Variants in UTP20 observed in about 807,000 individuals in gnomAD.
UTP20 encodes UTP20 small subunit processome component.
Under a neutral mutation model 329.5 loss-of-function variants are expected in UTP20, and 164 were observed. That is an observed-to-expected ratio of 0.50 (90% CI 0.44 to 0.57). The LOEUF (loss-of-function observed/expected upper bound fraction) is 0.57, where lower values mean the gene tolerates loss of function less well. Ranked by LOEUF, UTP20 falls within the 20% of genes least tolerant of loss-of-function variation. UTP20 has a pLI of 0.00. For missense variants in UTP20, 3,055 were observed against 3,284.2 expected (o/e 0.93, Z 1.71); for synonymous variants, 1,151 against 1,159.3 (o/e 0.99, Z 0.14).
At chr12:101,281,381 C>G (rs914996011) in intron 2 of UTP20, among the ~76,000 whole-genome samples, 185 bp downstream of exon 2, 1 of 152,136 alleles carries the variant, frequency 6.6e-6, no homozygotes, top group Non-Finnish European at 1.5e-5. Flanking sequence ...TTTGGGTGCC[C>G]AAATGTGGCT....
chr12:101,383,317 C>A lies in UTP20; in HGVS notation c.7929+4C>A, dbSNP rs747964944. 6.2e-7 allele frequency: 1 copy of A among 1,610,386 alleles called. No homozygotes were observed. The highest frequency in any genetic ancestry group is 1.1e-5 in the South Asian group (1 of 90,676). ...TTCGCCGAGAAACCCCTTAAAGGTGCGATGAATGCACAGAATGACTGACAG... is the reference window on the plus strand; with the variant it reads ...TTCGCCGAGAAACCCCTTAAAGGTGAGATGAATGCACAGAATGACTGACAG... On this transcript the variant is annotated splice_donor_region_variant and intron_variant, in intron 59 of 61. Coordinates refer to ENST00000261637, the MANE Select transcript of UTP20 (RefSeq NM_014503.3).
intron 32 of UTP20, among the ~76,000 whole-genome samples, chr12:101,341,688 C>T (rs1292018421): frequency 2.6e-5 from 4 of 152,062 alleles, no homozygotes; most frequent in Admixed American, 1.3e-4. Flanking sequence ...AGGCAGATCA[C>T]GAGGTCAGGA....
intron 58 of UTP20, 56 bp downstream of exon 58, chr12:101,381,267 C>T (rs531051374): frequency 1.2e-5 from 18 of 1,481,988 alleles, no homozygotes; most frequent in African/African-American, 4.2e-5. Context: ...CATGGTGGCT[C>T]GCGCCTGTAA....
intron 16 of UTP20, 127 bp downstream of exon 16, chr12:101,306,192 T>C: frequency 8.2e-7 from 1 of 1,221,548 alleles, no homozygotes; most frequent in Non-Finnish European, 1.1e-6. Context: ...AAAGCGATGA[T>C]TCTTAAATGT....
In UTP20 at chr12:101,366,690, C is replaced by G; in HGVS notation, c.6258C>G (p.Ser2086=). 6.2e-7 allele frequency: 1 copy of G among 1,613,586 alleles called. No homozygotes were observed. The highest frequency in any genetic ancestry group is 8.5e-7 in the Non-Finnish European group (1 of 1,179,804). Residue 2086 remains serine, a synonymous_variant, in exon 47 of 62, where the codon TCC becomes TCG. Transcript: ENST00000261637. ...CCAACATGCACATATTTATTGAGTC[C>G]GGGCTTCGGGTAAGAATTAACCTTA... ...RKTNMHIFIE[S]GLRLLHLSLK...
rs1271616120 is a variant in UTP20 at position 101,297,409 on chromosome 12, C to T, written c.1430+1751C>T. 2.0e-5 allele frequency among the ~76,000 whole-genome samples: 3 copies of T among 151,966 alleles called. No individual in the cohort carries two copies. In the East Asian group the frequency reaches 5.8e-4, roughly 29 times the overall value. On this transcript the variant is annotated intron_variant, in intron 12 of 61. Coordinates refer to ENST00000261637, the MANE Select transcript of UTP20 (RefSeq NM_014503.3). ...TTTTTAATTTTTGTAGAGACGAGGT[C>T]TCGCTATGTTGCCCAGGCTGGTCTC...
At chr12:101,371,994 A>C (rs768726030) in intron 51 of UTP20, among the ~76,000 whole-genome samples, 5 of 152,206 alleles carry the variant, frequency 3.3e-5, no homozygotes, top group African/African-American at 4.8e-5. Flanking sequence ...TCAGGGTTGC[A>C]GGTGGGTTTG....
intron 2 of UTP20, among the ~76,000 whole-genome samples, chr12:101,283,981 A>AT (rs549701822): frequency 1.5e-3 from 223 of 145,060 alleles, no homozygotes; most frequent in South Asian, 0.01. Context: ...CAGTTTAAGG[A>AT]TTTTTTTTTT....
chr12:101,356,690 C>G lies in UTP20; in HGVS notation c.5531C>G (p.Pro1844Arg). ...LPQEVMEANL[P>R]SILLKVCALL... is the part of the protein sequence containing the mutation. ...CAAGAAGTTATGGAAGCTAATCTGC[C>G]AAGGTATGTTTTTTAACAAATTAGA... Residue 1844 changes from proline to arginine, a missense_variant, in exon 42 of 62, where the codon CCA becomes CGA. By Grantham distance (103) the Pro-to-Arg change is moderately radical (BLOSUM62 -2). Coordinates refer to ENST00000261637, the MANE Select transcript of UTP20 (RefSeq NM_014503.3). 1 of 1,604,898 alleles carries G rather than the reference C, an allele frequency of 6.2e-7. No individual in the cohort carries two copies. The highest frequency in any genetic ancestry group is 1.1e-5 in the South Asian group (1 of 88,200).
chr12:101,323,539 T>C (rs927437442), intron 25 of UTP20, among the ~76,000 whole-genome samples: 3 of 152,240 alleles, frequency 2.0e-5, no homozygotes, highest in Non-Finnish European at 4.4e-5. Context: ...CAGTGATAAA[T>C]GATATCATGT....
rs1321254830 is a variant in UTP20 at position 101,373,430 on chromosome 12, C to T, written c.6908C>T (p.Thr2303Ile). The part of the protein sequence containing the change: ...NYEHETGRES[T>I]LEMIAYLFDT... ...GAACATGAGACCGGGAGAGAGTCCACCTTGGAAATGATCGCCTATCTCTTT... is the reference window on the plus strand; with the variant it reads ...GAACATGAGACCGGGAGAGAGTCCATCTTGGAAATGATCGCCTATCTCTTT... The change falls in exon 53 of 62, where the codon ACC becomes ATC. Residue 2303 changes from threonine (T) to isoleucine (I), a missense_variant. Thr to Ile is a moderately conservative substitution (Grantham distance 89, BLOSUM62 -1). Transcript: ENST00000261637. 1.9e-6 allele frequency: 3 copies of T among 1,614,156 alleles called. No homozygotes were observed. Among genetic ancestry groups the T allele is most frequent in the East Asian group, 2.2e-5 (1 of 44,890 alleles).
At chr12:101,295,450 TAA>T in intron 11 of UTP20, 28 bp from the exon 12 acceptor site, 1 of 1,529,156 alleles carries the variant, frequency 6.5e-7, no homozygotes, top group Non-Finnish European at 8.8e-7. Flanking sequence ...TATCTGTTAA[TAA>T]GTGTGATTTT....
chr12:101,331,631 CTCTG>C (rs973651052), intron 27 of UTP20, among the ~76,000 whole-genome samples: 3 of 152,168 alleles, frequency 2.0e-5, no homozygotes, highest in African/African-American at 7.2e-5. Context: ...ATTCAAATAC[CTCTG>C]TCTGTCAGAT....
chr12:101,322,487 G>A (rs181698729), intron 25 of UTP20, among the ~76,000 whole-genome samples: 93 of 152,178 alleles, frequency 6.1e-4, no homozygotes, highest in Non-Finnish European at 9.7e-4. Flanking sequence ...ATAATACAAA[G>A]TTTATATATG....
chr12:101,295,776 T>C (rs992813197), intron 12 of UTP20, 118 bp downstream of exon 12: 22 of 1,228,948 alleles, frequency 1.8e-5, no homozygotes, highest in Non-Finnish European at 2.1e-5. Flanking sequence ...CATGATAAGT[T>C]GTGTGAAAAA....
intron 32 of UTP20, 67 bp downstream of exon 32, chr12:101,340,677 G>A (rs2137276321): frequency 2.1e-6 from 2 of 973,390 alleles, no homozygotes. Flanking sequence ...TTAATTGCGA[G>A]CAGCAATTTT....
Position 101,357,040 on chromosome 12 carries a change from T to C in UTP20, c.5649T>C (p.Tyr1883=), listed in dbSNP as rs774679146. ...IEDLGVHFLL[Y]VLKELQTTLV... Reference sequence around the variant, plus strand: ...ATCTTGGTGTGCACTTCCTCCTATATGTTTTAAAAGAATTACAGACTACTC... The same window carrying C: ...ATCTTGGTGTGCACTTCCTCCTATACGTTTTAAAAGAATTACAGACTACTC... The change falls in exon 43 of 62, where the codon TAT becomes TAC. Residue 1883 remains tyrosine, a synonymous_variant. Coordinates refer to ENST00000261637, the MANE Select transcript of UTP20 (RefSeq NM_014503.3). 9.9e-6 allele frequency: 16 copies of C among 1,613,604 alleles called. No individual in the cohort carries two copies. Among genetic ancestry groups the C allele is most frequent in the Non-Finnish European group, 1.3e-5 (15 of 1,179,870 alleles).
chr12:101,302,601 G>A, intron 15 of UTP20, 48 bp downstream of exon 15: 1 of 1,267,162 alleles, frequency 7.9e-7, no homozygotes, highest in Non-Finnish European at 1.1e-6. Context: ...AAATATAAAA[G>A]CCTCTATTGT....
intron 25 of UTP20, among the ~76,000 whole-genome samples, chr12:101,325,961 G>T (rs1022860469): frequency 6.6e-6 from 1 of 152,038 alleles, no homozygotes; most frequent in Admixed American, 6.5e-5. Context: ...TTTTTGGTTT[G>T]CAGTGAAATG....
Sources: allele counts gnomAD v4.1 joint callset (sites outside exome capture counted in the v4.1 genomes callset), GRCh38; gene constraint gnomAD v4.1.1; transcripts MANE v1.5; gene names NCBI Gene and HGNC (gene_info 2026-07-23, HGNC 2026-07-21).